The following SNX29 variants were observed in gnomAD, a reference collection of about 807,000 sequenced individuals.
The protein encoded by SNX29 is sorting nexin 29, also known as sorting nexin-29.
A neutral mutation model predicts 102.1 loss-of-function variants in SNX29; 78 were observed. The observed-to-expected ratio is 0.76, with a 90% CI of 0.64 to 0.92. The LOEUF (loss-of-function observed/expected upper bound fraction) is 0.92. Among genes scored for constraint, SNX29 ranks in the 40% least tolerant of loss-of-function variants. The pLI, the probability that SNX29 is intolerant of heterozygous loss-of-function variation, is 0.00. For missense variants in SNX29, 1,280 were observed against 1,061.7 expected, an observed-to-expected ratio of 1.21 and a Z score of -2.86; for synonymous variants, 580 against 414.5, an observed-to-expected ratio of 1.40 and a Z score of -4.85.
intron 17 of SNX29, among the ~76,000 whole-genome samples, chr16:12,401,053 G>A (rs1342730339): frequency 6.6e-6 from 1 of 152,094 alleles, no homozygotes; most frequent in Non-Finnish European, 1.5e-5. Flanking sequence ...GGATGGTCTC[G>A]ATCTCCTGAC....
chr16:12,396,818 T>C (rs1184767057), intron 16 of SNX29, among the ~76,000 whole-genome samples: 2 of 152,338 alleles, frequency 1.3e-5, no homozygotes. Flanking sequence ...TAAATTGATA[T>C]ATAATGTATC....
At chr16:12,037,771 G>C (rs2151161288) in intron 4 of SNX29, among the ~76,000 whole-genome samples, 1 of 151,382 alleles carries the variant, frequency 6.6e-6, no homozygotes, top group South Asian at 2.1e-4. Context: ...GAGTAACATA[G>C]TAAGACCCTC....
intron 16 of SNX29, among the ~76,000 whole-genome samples, chr16:12,360,999 G>GGA (rs1383944127): frequency 6.6e-6 from 1 of 152,204 alleles, no homozygotes; most frequent in African/African-American, 2.4e-5. Context: ...AACGGGTATG[G>GGA]GAGAGGGGGT....
At chr16:12,064,050 T>C (rs2050906523) in intron 9 of SNX29, among the ~76,000 whole-genome samples, 1 of 152,052 alleles carries the variant, frequency 6.6e-6, no homozygotes, top group African/African-American at 2.4e-5. Flanking sequence ...CTCTGTCTCA[T>C]GAATCAATTT....
At chr16:12,016,161 G>A (rs535789291) in intron 3 of SNX29, among the ~76,000 whole-genome samples, 1 of 152,204 alleles carries the variant, frequency 6.6e-6, no homozygotes, top group South Asian at 2.1e-4. Flanking sequence ...CACTGCCCCC[G>A]CCCGGCTAAT....
At chr16:12,364,158 TGTTTGTTATGTTA>T (rs935626194) in intron 16 of SNX29, among the ~76,000 whole-genome samples, 11 of 101,548 alleles carry the variant, frequency 1.1e-4, no homozygotes, top group African/African-American at 3.6e-4. Flanking sequence ...AAGCCTGGCT[TGTTTGTTATGTTA>T]TGTTATGTTA....
intron 15 of SNX29, among the ~76,000 whole-genome samples, chr16:12,311,076 G>T (rs1165519930): frequency 1.3e-5 from 2 of 152,166 alleles, no homozygotes; most frequent in Non-Finnish European, 2.9e-5. Flanking sequence ...CTTGTAAAAA[G>T]AAAGTTATAA....
chr16:12,165,604 A>G (rs1385917683), intron 13 of SNX29, among the ~76,000 whole-genome samples: 1 of 152,236 alleles, frequency 6.6e-6, no homozygotes, highest in Non-Finnish European at 1.5e-5. Flanking sequence ...TCTGTCACCC[A>G]GACTGGAGTG....
At chr16:12,308,939 T>G (rs1453554889) in intron 15 of SNX29, among the ~76,000 whole-genome samples, 1 of 152,150 alleles carries the variant, frequency 6.6e-6, no homozygotes, top group Non-Finnish European at 1.5e-5. Context: ...GTCGGGGAAA[T>G]GCAGGTCACA....
intron 16 of SNX29, among the ~76,000 whole-genome samples, chr16:12,377,804 G>A (rs1004782735): frequency 1.3e-5 from 2 of 152,148 alleles, no homozygotes; most frequent in Non-Finnish European, 2.9e-5. Flanking sequence ...TGAGTTGTAG[G>A]TACCGTGCTT....
At chr16:12,545,553 G>A (rs966074494) in intron 20 of SNX29, 1 of 152,216 alleles carries the variant, frequency 6.6e-6, no homozygotes, top group African/African-American at 2.4e-5. Flanking sequence ...ACGACTTATG[G>A]AGAAACGTTT....
rs138387491 is a variant in SNX29 at position 12,466,581 on chromosome 16, C to A, written c.2038-11138C>A. ...GTCTTCAGAGCGTCTTTGAAAGGGGCCTTCATGCCTTGCTTGTGTCCACCA... is the reference window on the plus strand; with the variant it reads ...GTCTTCAGAGCGTCTTTGAAAGGGGACTTCATGCCTTGCTTGTGTCCACCA... On this transcript the variant is annotated intron_variant, in intron 18 of 20. Coordinates refer to ENST00000566228, the MANE Select transcript of SNX29 (RefSeq NM_032167.5). Among the ~76,000 whole-genome samples, 25 of 152,314 alleles carry A rather than the reference C, an allele frequency of 1.6e-4. No individual in the cohort carries two copies. The East Asian group carries it at 3.1e-3, about 19-fold the overall frequency.
intron 11 of SNX29, among the ~76,000 whole-genome samples, chr16:12,121,431 T>C (rs2053966797): frequency 1.3e-5 from 2 of 152,268 alleles, no homozygotes; most frequent in South Asian, 4.1e-4. Flanking sequence ...CCTGTGGCCA[T>C]GCGGTCACTG....
chr16:12,238,626 G>C (rs904559016), intron 14 of SNX29, among the ~76,000 whole-genome samples: 1 of 152,192 alleles, frequency 6.6e-6, no homozygotes, highest in African/African-American at 2.4e-5. Flanking sequence ...GTCCGGCCTT[G>C]AATAGGTACT....
At chr16:12,193,577 C>G (rs1227458941) in intron 13 of SNX29, among the ~76,000 whole-genome samples, 2 of 152,054 alleles carry the variant, frequency 1.3e-5, no homozygotes, top group East Asian at 1.9e-4. Flanking sequence ...CTTTGTCTAA[C>G]TCAGGTTAGG....
intron 16 of SNX29, chr16:12,372,433 T>A (rs765961975): frequency 6.6e-6 from 1 of 152,222 alleles, no homozygotes; most frequent in Non-Finnish European, 1.5e-5. Context: ...TGTTGTTCTT[T>A]GTTTATTCAT....
At chr16:11,980,767 T>C (rs1406229505) in intron 1 of SNX29, among the ~76,000 whole-genome samples, 1 of 152,208 alleles carries the variant, frequency 6.6e-6, no homozygotes, top group Admixed American at 6.5e-5. Context: ...GAGCATCTTA[T>C]CTTGTGCTTA....
intron 10 of SNX29, among the ~76,000 whole-genome samples, chr16:12,071,491 A>G (rs1323898550): frequency 2.6e-5 from 4 of 152,210 alleles, no homozygotes; most frequent in Non-Finnish European, 5.9e-5. Context: ...GGTATGCGGC[A>G]TTATTTCTGA....
chr16:12,006,877 C>A (rs2056471935), intron 3 of SNX29, among the ~76,000 whole-genome samples: 1 of 152,124 alleles, frequency 6.6e-6, no homozygotes, highest in Non-Finnish European at 1.5e-5. Context: ...CCTTGGCCAC[C>A]CAAAGTGTTG....
Sources: allele counts gnomAD v4.1 joint callset (sites outside exome capture counted in the v4.1 genomes callset), GRCh38; gene constraint gnomAD v4.1.1; transcripts MANE v1.5; gene names NCBI Gene and HGNC (gene_info 2026-07-23, HGNC 2026-07-21).